Variants in MAPRE3 observed in about 807,000 individuals in gnomAD.
MAPRE3 encodes microtubule associated protein RP/EB family member 3, also known as microtubule-associated protein RP/EB family member 3.
In MAPRE3, 2 loss-of-function variants were observed where a neutral mutation model predicts 30.5. The observed-to-expected ratio is 0.07, with a 90% CI of 0.03 to 0.21. The LOEUF (loss-of-function observed/expected upper bound fraction) is 0.21. MAPRE3 is among the 10% of genes least tolerant of loss of function. MAPRE3 has a pLI of 1.00. For synonymous variants in MAPRE3, 110 were observed against 127.7 expected, an observed-to-expected ratio of 0.86 and a Z score of 0.93; for missense variants, 204 against 351.8, an observed-to-expected ratio of 0.58 and a Z score of 3.36.
At chr2:26,977,468 G>A (rs1024189673) in intron 1 of MAPRE3, among the ~76,000 whole-genome samples, 1 of 152,068 alleles carries the variant, frequency 6.6e-6, no homozygotes, top group East Asian at 1.9e-4. Context: ...GTGTTCCAGG[G>A]GCCTTTTTTG....
chr2:26,990,093 C>G (rs564885524), intron 1 of MAPRE3, among the ~76,000 whole-genome samples: 8 of 152,120 alleles, frequency 5.3e-5, no homozygotes, highest in Non-Finnish European at 1.0e-4. Flanking sequence ...GCGGGAGGAA[C>G]GCTGGAGCCC....
intron 2 of MAPRE3, 110 bp downstream of exon 2, chr2:27,022,449 T>A: frequency 7.2e-7 from 1 of 1,380,484 alleles, no homozygotes; most frequent in East Asian, 2.3e-5. Flanking sequence ...GCTGAATGAC[T>A]GATGTGGCCA....
In MAPRE3 at chr2:26,970,817, A is replaced by C. The variant is rs1350914735; in HGVS notation, c.-8+15A>C. On this transcript the variant is annotated intron_variant, in intron 1 of 6. Transcript: ENST00000233121. ...CCTCGTGCACTGTGAGTCCGGGCCGAGGCGACGGACGCCGTGGGGCTGAGT... is the reference window on the plus strand; with the variant it reads ...CCTCGTGCACTGTGAGTCCGGGCCGCGGCGACGGACGCCGTGGGGCTGAGT... 6.8e-6 allele frequency: 1 copy of C among 147,322 alleles called. No homozygotes were observed. The highest frequency in any genetic ancestry group is 2.5e-5 in the African/African-American group (1 of 39,226). 9.1% of individuals were successfully genotyped at this position (147,322 alleles called of 1,614,324 possible).
At position 27,023,363 on chromosome 2, in the gene MAPRE3, C is replaced by T. The variant is rs769237969; in HGVS notation, c.153C>T (p.Leu51=). Residue 51 remains leucine, a synonymous_variant, in exon 3 of 7, where the codon CTC becomes CTT. Coordinates refer to ENST00000233121, the MANE Select transcript of MAPRE3 (RefSeq NM_012326.4). ...CCTACTGCCAGTTCATGGACATGCT[C>T]TTCCCCGGCTGTGTGCACTTGAGGA... ...GAAYCQFMDM[L]FPGCVHLRKV... is the part of the protein sequence containing the mutation. The T allele has an allele frequency of 3.7e-6, 6 of 1,610,168 alleles. No individual in the cohort carries two copies. The East Asian group carries it at 1.1e-4, about 30-fold the overall frequency.
intron 1 of MAPRE3, among the ~76,000 whole-genome samples, chr2:26,980,135 A>G (rs1419694613): frequency 6.6e-6 from 1 of 152,238 alleles, no homozygotes; most frequent in Non-Finnish European, 1.5e-5. Context: ...ATTCAGCAGC[A>G]AGGGAAGAGA....
chr2:26,977,117 A>G (rs1427200367), intron 1 of MAPRE3, among the ~76,000 whole-genome samples: 2 of 152,204 alleles, frequency 1.3e-5, no homozygotes, highest in East Asian at 1.9e-4. Context: ...GGAAAAAACC[A>G]TATTTATAAA....
rs1572767859 is a variant in MAPRE3, at chr2:27,015,168, G to C, written c.-7-7044G>C. 3.3e-5 allele frequency among the ~76,000 whole-genome samples: 5 copies of C among 152,356 alleles called. No homozygotes were observed. The South Asian group carries it at 1.0e-3, about 32-fold the overall frequency. ...GTCTGAGACCAGAGGCTGGCTGTGT[G>C]TCAGGCACCTACTCCTCGAACAAAT... On this transcript the variant is annotated intron_variant, in intron 1 of 6. Coordinates refer to ENST00000233121, the MANE Select transcript of MAPRE3 (RefSeq NM_012326.4). This position sits in a 1 kb window ranked among gnomAD's most constrained non-coding sequence, Gnocchi z 4.0.
Position 27,015,050 on chromosome 2 carries a change from G to A in MAPRE3, c.-7-7162G>A, listed in dbSNP as rs2148222433. On this transcript the variant is annotated intron_variant, in intron 1 of 6. Coordinates refer to ENST00000233121, the MANE Select transcript of MAPRE3 (RefSeq NM_012326.4). This position sits in a 1 kb window ranked among gnomAD's most constrained non-coding sequence, Gnocchi z 4.0. ...GAGCTGGGGAGGGATTGTGGTCAGAGCCCAGCTTTGGGAAGCCCATGTGGC... is the reference window on the plus strand; with the variant it reads ...GAGCTGGGGAGGGATTGTGGTCAGAACCCAGCTTTGGGAAGCCCATGTGGC... The A allele has an allele frequency of 6.6e-6, 1 of 152,396 alleles. No individual in the cohort carries two copies. The highest frequency in any genetic ancestry group is 2.1e-4 in the South Asian group (1 of 4,834). The allele number at this position is 152,396 out of a possible 1,614,324, so 9.4% of individuals were successfully genotyped here.
At chr2:26,994,484 G>T (rs1262288967) in intron 1 of MAPRE3, among the ~76,000 whole-genome samples, 2 of 152,138 alleles carry the variant, frequency 1.3e-5, no homozygotes, top group Admixed American at 1.3e-4. Flanking sequence ...TAAGCAGAGT[G>T]GTCCATTGGA....
At position 27,015,261 on chromosome 2, in the gene MAPRE3, G is replaced by C. The variant is rs1211251855; in HGVS notation, c.-7-6951G>C. Among the ~76,000 whole-genome samples, 2 of 152,214 alleles carry C rather than the reference G, an allele frequency of 1.3e-5. No homozygotes were observed. The highest frequency in any genetic ancestry group is 4.8e-5 in the African/African-American group (2 of 41,444). Reference sequence around the variant, plus strand: ...CTTGCCAAATACATACTGAATGTCAGGCTCTGTGCTCAGCACTGTGTACAC... The same window carrying C: ...CTTGCCAAATACATACTGAATGTCACGCTCTGTGCTCAGCACTGTGTACAC... On this transcript the variant is annotated intron_variant, in intron 1 of 6. Transcript: ENST00000233121. The surrounding 1 kb of genome is among the most constrained non-coding windows in gnomAD (Gnocchi z 4.0).
chr2:26,992,836 T>C (rs1431827746), intron 1 of MAPRE3, among the ~76,000 whole-genome samples: 1 of 152,200 alleles, frequency 6.6e-6, no homozygotes, highest in African/African-American at 2.4e-5. Flanking sequence ...GAGAAGATGA[T>C]TTGAAACCCT....
At chr2:26,993,634 T>A (rs1450595385) in intron 1 of MAPRE3, among the ~76,000 whole-genome samples, 3 of 152,160 alleles carry the variant, frequency 2.0e-5, no homozygotes, top group Non-Finnish European at 4.4e-5. Flanking sequence ...AGCTCCTGCC[T>A]GATGTCCCTA....
intron 1 of MAPRE3, among the ~76,000 whole-genome samples, chr2:27,000,639 A>G (rs891277508): frequency 6.6e-6 from 1 of 152,234 alleles, no homozygotes; most frequent in Admixed American, 6.5e-5. Context: ...CAGGAGGAGG[A>G]GGAGGGAAGC....
At chr2:26,996,708 T>C (rs1445385099) in intron 1 of MAPRE3, among the ~76,000 whole-genome samples, 1 of 152,038 alleles carries the variant, frequency 6.6e-6, no homozygotes, top group Non-Finnish European at 1.5e-5. Flanking sequence ...GAGAATGGCG[T>C]GAACCTGAGA....
chr2:26,983,565 C>T (rs1169338495), intron 1 of MAPRE3, among the ~76,000 whole-genome samples: 1 of 152,148 alleles, frequency 6.6e-6, no homozygotes, highest in Non-Finnish European at 1.5e-5. Flanking sequence ...ATAATGCAGG[C>T]CCTGTCAAGG....
rs192746803 is a variant in MAPRE3 at position 26,972,479 on chromosome 2, C to A, written c.-8+1677C>A. Among the ~76,000 whole-genome samples the A allele has an allele frequency of 4.6e-3, 695 of 152,322 alleles. 2 individuals carry two copies. Among genetic ancestry groups the A allele is most frequent in the Non-Finnish European group, 7.8e-3 (528 of 68,034 alleles). On this transcript the variant is annotated intron_variant, in intron 1 of 6. Coordinates refer to ENST00000233121, the MANE Select transcript of MAPRE3 (RefSeq NM_012326.4). ...CAGGAAAACTATAGCCCCCATCCAG[C>A]AGGGCAGTTTCTTCTGTTTCGAATG...
At chr2:27,012,759 A>G (rs1430715062) in intron 1 of MAPRE3, 1 of 152,696 alleles carries the variant, frequency 6.5e-6, no homozygotes, top group East Asian at 1.9e-4. Flanking sequence ...TGTCCTGGAC[A>G]TCTTCAGCAT....
rs531651199 is a variant in MAPRE3, at chr2:26,999,488, C to CTTTTTTTTT, written c.-7-22705_-7-22697dup. Reference sequence around the variant, plus strand: ...TTTTTTCTTCTTTCTTTCCTTCTTTCTTTTTTTTTTTTTTTTTTTTTTTTT... The same window carrying CTTTTTTTTT: ...TTTTTTCTTCTTTCTTTCCTTCTTTCTTTTTTTTTTTTTTTTTTTTTTTTTTTTTTTTTT... On this transcript the variant is annotated intron_variant, in intron 1 of 6. Coordinates refer to ENST00000233121, the MANE Select transcript of MAPRE3 (RefSeq NM_012326.4). 5.5e-3 allele frequency among the ~76,000 whole-genome samples: 434 copies of CTTTTTTTTT among 78,970 alleles called. 35 individuals carry two copies. The highest frequency in any genetic ancestry group is 6.5e-3 in the African/African-American group (123 of 18,886). The allele number at this position is 78,970 out of a possible 152,430, so 51.8% of individuals were successfully genotyped here.
chr2:26,972,871 GATA>G (rs769099862), intron 1 of MAPRE3, among the ~76,000 whole-genome samples: 7 of 152,032 alleles, frequency 4.6e-5, no homozygotes, highest in Non-Finnish European at 7.4e-5. Flanking sequence ...TGTTTTATGA[GATA>G]ATGATGGAAT....
Sources: allele counts gnomAD v4.1 joint callset (sites outside exome capture counted in the v4.1 genomes callset), GRCh38; gene constraint gnomAD v4.1.1; non-coding constraint Gnocchi (gnomAD v3.1); transcripts MANE v1.5; gene names NCBI Gene and HGNC (gene_info 2026-07-23, HGNC 2026-07-21).